Variants in MGRN1 observed in about 807,000 individuals in gnomAD.
MGRN1 encodes the protein mahogunin ring finger 1.
MGRN1 carries 29 observed loss-of-function variants against 69.2 expected under a neutral mutation model. The observed-to-expected ratio is 0.42, with a 90% CI of 0.31 to 0.57. The LOEUF (loss-of-function observed/expected upper bound fraction) is 0.57. MGRN1 is among the 20% of genes least tolerant of loss of function. The pLI, the probability that MGRN1 is intolerant of heterozygous loss-of-function variation, is 0.15. For missense variants in MGRN1, 998 were observed against 796.2 expected (o/e 1.25, Z -3.05); for synonymous variants, 470 against 344.2 (o/e 1.37, Z -4.04).
intron 1 of MGRN1, among the ~76,000 whole-genome samples, chr16:4,636,328 G>A (rs1053509685): frequency 1.3e-5 from 2 of 151,872 alleles, no homozygotes; most frequent in African/African-American, 2.4e-5. Context: ...GGAAGGAGGC[G>A]CTCTTCTTGC....
intron 1 of MGRN1, among the ~76,000 whole-genome samples, chr16:4,637,258 C>T (rs893870531): frequency 1.3e-5 from 2 of 151,632 alleles, no homozygotes; most frequent in African/African-American, 2.4e-5. Context: ...GGTGAAACCC[C>T]GTCTCTACTA....
rs756901325 is a variant in MGRN1 at position 4,624,924 on chromosome 16, C to T, written c.-37C>T. ...CCCCGCCGCTGTCGCCGCTCCCGTT[C>T]CGGCCCTGGCCCCTCTGCCCGGCAG... is the stretch of plus-strand genomic sequence containing the variant. On this transcript the variant is annotated 5_prime_UTR_variant, in exon 1 of 17. Transcript: ENST00000262370. The T allele has an allele frequency of 2.0e-5, 30 of 1,495,412 alleles. No homozygotes were observed. The African/African-American group carries it at 3.6e-4, about 18-fold the overall frequency. 92.6% of individuals were successfully genotyped at this position (1,495,412 alleles called of 1,614,324 possible).
At chr16:4,631,694 T>C (rs1898008379) in intron 1 of MGRN1, among the ~76,000 whole-genome samples, 1 of 152,236 alleles carries the variant, frequency 6.6e-6, no homozygotes, top group Non-Finnish European at 1.5e-5. Flanking sequence ...TCTTTCAAAA[T>C]TGTTTTGGTT....
chr16:4,686,325 C>G, intron 16 of MGRN1: 1 of 1,542,062 alleles, frequency 6.5e-7, no homozygotes. Context: ...CCCAGACGCG[C>G]TTCGGGGGCT....
chr16:4,671,530 G>C, intron 9 of MGRN1, 71 bp downstream of exon 9: 1 of 1,437,102 alleles, frequency 7.0e-7, no homozygotes, highest in Non-Finnish European at 9.8e-7. Context: ...GGACAGCAAT[G>C]CTTGCCGGTT....
chr16:4,672,080 T>G (rs1364799861), intron 9 of MGRN1, among the ~76,000 whole-genome samples: 1 of 152,124 alleles, frequency 6.6e-6, no homozygotes, highest in Non-Finnish European at 1.5e-5. Flanking sequence ...TAATTTTTTG[T>G]ATTTTAGTAG....
At chr16:4,656,514 C>A (rs181540199) in intron 4 of MGRN1, among the ~76,000 whole-genome samples, 1 of 152,362 alleles carries the variant, frequency 6.6e-6, no homozygotes, top group East Asian at 1.9e-4. Context: ...GACAGCAGGC[C>A]TCTGGGAGCA....
intron 16 of MGRN1, among the ~76,000 whole-genome samples, chr16:4,685,109 C>G (rs752458989): frequency 6.6e-6 from 1 of 152,238 alleles, no homozygotes; most frequent in Non-Finnish European, 1.5e-5. Flanking sequence ...CAACTCACAG[C>G]AGAAGGTGTG....
At chr16:4,657,780 C>T (rs556744403) in intron 5 of MGRN1, among the ~76,000 whole-genome samples, 2 of 117,970 alleles carry the variant, frequency 1.7e-5, no homozygotes, top group East Asian at 2.5e-4. Context: ...CAGTCTCGCT[C>T]TGTCGCCCAG....
chr16:4,637,685 G>A (rs192304828), intron 1 of MGRN1, among the ~76,000 whole-genome samples: 1 of 152,240 alleles, frequency 6.6e-6, no homozygotes, highest in Non-Finnish European at 1.5e-5. Flanking sequence ...GCGCCATCCT[G>A]CAGTCCTGCA....
intron 4 of MGRN1, 102 bp downstream of exon 4, chr16:4,652,926 G>T (rs1212749044): frequency 1.4e-5 from 20 of 1,384,696 alleles, no homozygotes; most frequent in Non-Finnish European, 1.9e-5. Flanking sequence ...ACCAAACCGT[G>T]CTCTTTGACC....
In MGRN1 at chr16:4,655,236, G is replaced by A. The variant is rs577539535; in HGVS notation, c.444-2010G>A. On this transcript the variant is annotated intron_variant, in intron 4 of 16. Transcript: ENST00000262370. Reference sequence around the variant, plus strand: ...GGCCAGTGTAAGTTGTCTATCCGCTGCCCCCCAGTGCTCCAGCTGTCAGGG... The same window carrying A: ...GGCCAGTGTAAGTTGTCTATCCGCTACCCCCCAGTGCTCCAGCTGTCAGGG... Among the ~76,000 whole-genome samples, 78 of 152,256 alleles carry A rather than the reference G, an allele frequency of 5.1e-4. No homozygotes were observed. In the South Asian group the frequency reaches 0.016, roughly 30 times the overall value.
chr16:4,678,613 C>G (rs1167871356), intron 11 of MGRN1, among the ~76,000 whole-genome samples: 2 of 152,028 alleles, frequency 1.3e-5, no homozygotes, highest in African/African-American at 2.4e-5. Context: ...GGATGGGTGG[C>G]AGGGGCTGTG....
intron 1 of MGRN1, among the ~76,000 whole-genome samples, chr16:4,647,610 G>T (rs898960833): frequency 6.6e-6 from 1 of 152,206 alleles, no homozygotes; most frequent in African/African-American, 2.4e-5. Flanking sequence ...CTCAGTGCGT[G>T]CGGTGACCCC....
At chr16:4,626,280 C>T (rs1028008009) in intron 1 of MGRN1, among the ~76,000 whole-genome samples, 1 of 152,222 alleles carries the variant, frequency 6.6e-6, no homozygotes, top group Non-Finnish European at 1.5e-5. Context: ...ACAGCTGTAT[C>T]CCAGGCCCAG....
intron 7 of MGRN1, among the ~76,000 whole-genome samples, chr16:4,667,802 C>G (rs1194667497): frequency 1.3e-5 from 2 of 152,200 alleles, no homozygotes; most frequent in Non-Finnish European, 2.9e-5. Context: ...TTGCGGTTCC[C>G]TGTGTGTGCA....
rs367587461 is a variant in MGRN1, at chr16:4,662,759, G to A, written c.562-1950G>A. On this transcript the variant is annotated intron_variant, in intron 5 of 16. Transcript: ENST00000262370. ...CGTGTGCCCCTGCCCTGCTTCCGCTGCCCACTTCACGGGGGGACAGCAGGG... is the reference window on the plus strand; with the variant it reads ...CGTGTGCCCCTGCCCTGCTTCCGCTACCCACTTCACGGGGGGACAGCAGGG... 1.4e-4 allele frequency among the ~76,000 whole-genome samples: 22 copies of A among 152,342 alleles called. No homozygotes were observed. The South Asian group carries it at 2.5e-3, about 17-fold the overall frequency.
At chr16:4,685,661 C>T (rs1255577215) in intron 16 of MGRN1, among the ~76,000 whole-genome samples, 2 of 152,256 alleles carry the variant, frequency 1.3e-5, no homozygotes, top group African/African-American at 4.8e-5. Flanking sequence ...TCAGCCTTGT[C>T]AGCACAGGTT....
At chr16:4,683,469 C>T (rs563514245) in intron 15 of MGRN1, among the ~76,000 whole-genome samples, 200 bp downstream of exon 15, 7 of 152,176 alleles carry the variant, frequency 4.6e-5, no homozygotes, top group Admixed American at 2.0e-4. Context: ...GCGCTGTTGA[C>T]CCTGCAGGGC....
Sources: gnomAD v4.1 joint callset for allele counts (sites outside exome capture counted in the v4.1 genomes callset) on GRCh38, gnomAD v4.1.1 for gene constraint, MANE v1.5 for transcripts, NCBI Gene and HGNC (gene_info 2026-07-23, HGNC 2026-07-21) for gene names.